RAB3C: variants seen among roughly 807,000 people sequenced by gnomAD.
RAB3C encodes the protein ras-related protein Rab-3C.
Under a neutral mutation model 26.4 loss-of-function variants are expected in RAB3C, and 17 were observed. The ratio of observed to expected loss-of-function variants is 0.64; its 90% CI spans 0.44 to 0.97. The LOEUF (loss-of-function observed/expected upper bound fraction) is 0.97. Among genes scored for constraint, RAB3C ranks in the 50% least tolerant of loss-of-function variants. The pLI is 0.00. For missense variants in RAB3C, 242 were observed against 281.9 expected (o/e 0.86, Z 1.01); for synonymous variants, 91 against 95.9 (o/e 0.95, Z 0.30).
chr5:58,681,984 G>A (rs1041815054), intron 2 of RAB3C, among the ~76,000 whole-genome samples: 60 of 152,312 alleles, frequency 3.9e-4, no homozygotes, highest in African/African-American at 1.4e-3. Flanking sequence ...GCTGTGGGTC[G>A]AAGGGGTGAA....
At chr5:58,677,073 C>T (rs1268846979) in intron 2 of RAB3C, among the ~76,000 whole-genome samples, 1 of 152,162 alleles carries the variant, frequency 6.6e-6, no homozygotes, top group African/African-American at 2.4e-5. Context: ...TCCAGGCCTG[C>T]CTCCTCGCTT....
chr5:58,789,515 A>G (rs1742471993), intron 3 of RAB3C, among the ~76,000 whole-genome samples: 1 of 152,196 alleles, frequency 6.6e-6, no homozygotes, highest in South Asian at 2.1e-4. Context: ...TCATTTATCT[A>G]GAGTCTTCTG....
At chr5:58,769,689 A>C (rs1741992166) in intron 3 of RAB3C, among the ~76,000 whole-genome samples, 1 of 152,206 alleles carries the variant, frequency 6.6e-6, no homozygotes, top group African/African-American at 2.4e-5. Flanking sequence ...GCATCCTCAT[A>C]TATAACTGCT....
chr5:58,678,367 A>G (rs897715243), intron 2 of RAB3C, among the ~76,000 whole-genome samples: 2 of 152,160 alleles, frequency 1.3e-5, no homozygotes, highest in Non-Finnish European at 2.9e-5. Context: ...ATTTATATTT[A>G]TGTTCAGAGT....
chr5:58,765,986 C>T (rs1005511589), intron 3 of RAB3C, among the ~76,000 whole-genome samples: 10 of 150,352 alleles, frequency 6.7e-5, no homozygotes, highest in Non-Finnish European at 1.3e-4. Flanking sequence ...GTAAGATGTG[C>T]CTCCTTCCTT....
intron 2 of RAB3C, among the ~76,000 whole-genome samples, chr5:58,637,429 A>T (rs923629414): frequency 2.6e-5 from 4 of 152,158 alleles, no homozygotes; most frequent in Non-Finnish European, 5.9e-5. Flanking sequence ...ACAGTAAAAG[A>T]TCTGTGATTT....
intron 3 of RAB3C, among the ~76,000 whole-genome samples, chr5:58,820,019 G>A (rs1264964288): frequency 6.6e-6 from 1 of 152,148 alleles, no homozygotes; most frequent in Non-Finnish European, 1.5e-5. Context: ...ATTGGTACGT[G>A]CATAGAAAGT....
At position 58,856,268 on chromosome 5, in the gene RAB3C, G is replaced by T. The variant is rs1234696504; in HGVS notation, c.*4917G>T. The T allele has an allele frequency of 1.3e-5, 2 of 151,684 alleles. No homozygotes were observed. The highest frequency in any genetic ancestry group is 2.9e-5 in the Non-Finnish European group (2 of 67,970). The allele number at this position is 151,684 out of a possible 1,614,324, so 9.4% of individuals were successfully genotyped here. A position where few individuals can be genotyped will look rare whatever the true frequency, so the allele number is the denominator to read the frequency against. On this transcript the variant is annotated 3_prime_UTR_variant, in exon 5 of 5. Transcript: ENST00000282878. ...GTAATTAATTTCCTCCAAACAGAGAGAGTGGAGGGGAAATAAATTTTGCAA... is the reference window on the plus strand; with the variant it reads ...GTAATTAATTTCCTCCAAACAGAGATAGTGGAGGGGAAATAAATTTTGCAA...
At chr5:58,695,630 G>A (rs1035709948) in intron 2 of RAB3C, among the ~76,000 whole-genome samples, 1 of 152,084 alleles carries the variant, frequency 6.6e-6, no homozygotes, top group Non-Finnish European at 1.5e-5. Context: ...CCTTGAAGAG[G>A]TCCTTCACAT....
intron 3 of RAB3C, among the ~76,000 whole-genome samples, chr5:58,807,632 T>A (rs533612479): frequency 6.6e-6 from 1 of 152,166 alleles, no homozygotes; most frequent in Non-Finnish European, 1.5e-5. Flanking sequence ...AGGAGATTTA[T>A]GTCTCTTCTT....
intron 4 of RAB3C, among the ~76,000 whole-genome samples, chr5:58,828,901 CTTTTTTTTTTTT>C (rs762653092): frequency 8.2e-6 from 1 of 122,446 alleles, no homozygotes; most frequent in Admixed American, 8.4e-5. Context: ...TTTTACCATG[CTTTTTTTTTTTT>C]TTTTTTTTTG....
At position 58,811,722 on chromosome 5, in the gene RAB3C, C is replaced by T. The variant is rs181297384; in HGVS notation, c.372-13316C>T. Among the ~76,000 whole-genome samples the T allele has an allele frequency of 6.3e-3, 952 of 152,134 alleles. 20 individuals are homozygous for T. The highest frequency in any genetic ancestry group is 6.5e-3 in the Non-Finnish European group (442 of 67,990). On this transcript the variant is annotated intron_variant, in intron 3 of 4. Transcript: ENST00000282878. ...CCACCCCCTTTCTCTCACTTTGCCC[C>T]AGGACAGTCAGAGCTAAACTCACAA... is the stretch of plus-strand genomic sequence containing the variant.
intron 4 of RAB3C, among the ~76,000 whole-genome samples, chr5:58,837,682 C>T (rs1743782332): frequency 6.6e-6 from 1 of 150,856 alleles, no homozygotes; most frequent in Admixed American, 6.6e-5. Flanking sequence ...CCTTAGCCTC[C>T]CAAGTAGCTG....
chr5:58,583,544 A>T (rs1170950966), intron 1 of RAB3C, among the ~76,000 whole-genome samples: 1 of 152,134 alleles, frequency 6.6e-6, no homozygotes, highest in African/African-American at 2.4e-5. Context: ...GTTGGCATTG[A>T]TCTCCTCTCT....
Position 58,617,850 on chromosome 5 carries a change from A to G in RAB3C, c.232A>G (p.Arg78Gly). 1 of 1,610,476 alleles carries G rather than the reference A, an allele frequency of 6.2e-7. No homozygotes were observed. The highest frequency in any genetic ancestry group is 8.5e-7 in the Non-Finnish European group (1 of 1,177,444). The change falls in exon 2 of 5, where the codon AGA becomes GGA. Residue 78 changes from arginine (R) to glycine (G), a missense_variant. By Grantham distance (125) the Arg-to-Gly change is moderately radical. Transcript: ENST00000282878. ...KVKTVFKNEK[R>G]IKLQIWDTAG... ...AAAAACTGTATTCAAAAATGAAAAG[A>G]GAATCAAGCTTCAGATTTGGGTAAG...
intron 2 of RAB3C, among the ~76,000 whole-genome samples, chr5:58,653,120 C>G (rs1663492405): frequency 1.3e-5 from 2 of 152,098 alleles, no homozygotes; most frequent in Admixed American, 1.3e-4. Context: ...GCTATCCCTC[C>G]CCTTGCCCCC....
chr5:58,661,569 C>T (rs1012059683), intron 2 of RAB3C, among the ~76,000 whole-genome samples: 7 of 147,960 alleles, frequency 4.7e-5, no homozygotes, highest in South Asian at 2.1e-4. Flanking sequence ...TTAGAGAAGT[C>T]CTAGATGAAA....
chr5:58,821,666 T>C (rs895692500), intron 3 of RAB3C, among the ~76,000 whole-genome samples: 4 of 152,222 alleles, frequency 2.6e-5, no homozygotes, highest in African/African-American at 9.6e-5. Flanking sequence ...AAATATGCTA[T>C]GACTCTGAGA....
At chr5:58,600,631 A>G (rs548626924) in intron 1 of RAB3C, among the ~76,000 whole-genome samples, 1 of 152,142 alleles carries the variant, frequency 6.6e-6, no homozygotes, top group Admixed American at 6.5e-5. Flanking sequence ...TGAGTTTTTG[A>G]TTTGACTCTC....
Sources: gnomAD v4.1 joint callset for allele counts (sites outside exome capture counted in the v4.1 genomes callset) on GRCh38, gnomAD v4.1.1 for gene constraint, MANE v1.5 for transcripts, NCBI Gene and HGNC (gene_info 2026-07-23, HGNC 2026-07-21) for gene names.